Variants in STIM1 observed in about 807,000 individuals in gnomAD.
STIM1 encodes the protein stromal interaction molecule 1.
Under a neutral mutation model 74.7 loss-of-function variants are expected in STIM1, and 25 were observed. That is an observed-to-expected ratio of 0.33 (90% confidence interval 0.24 to 0.47). STIM1 has a LOEUF of 0.47. Ranked by LOEUF, STIM1 falls within the 20% of genes least tolerant of loss-of-function variation. The pLI is 1.00. For missense variants in STIM1, 728 were observed against 920.8 expected (o/e 0.79, Z 2.71); for synonymous variants, 328 against 348.8 (o/e 0.94, Z 0.66).
chr11:3,937,881 G>T (rs2092954222), intron 1 of STIM1, among the ~76,000 whole-genome samples: 1 of 151,766 alleles, frequency 6.6e-6, no homozygotes. Flanking sequence ...GTTGGCTGTT[G>T]GTGTCCCCCC....
chr11:4,020,864 A>G (rs964603391), intron 2 of STIM1, among the ~76,000 whole-genome samples: 1 of 151,896 alleles, frequency 6.6e-6, no homozygotes, highest in Non-Finnish European at 1.5e-5. Flanking sequence ...TCGCTTCCCA[A>G]AGTGCCGTGA....
chr11:3,855,357 CTGAGTAACT>C (rs2090320415), upstream of STIM1: 1 of 152,070 alleles, frequency 6.6e-6, no homozygotes, highest in African/African-American at 2.4e-5. Context: ...CCTGAGTTAC[CTGAGTAACT>C]GCGGGTCAGG....
intron 1 of STIM1, among the ~76,000 whole-genome samples, chr11:3,950,080 C>T (rs2093126423): frequency 1.3e-5 from 2 of 150,718 alleles, no homozygotes; most frequent in African/African-American, 2.4e-5. Context: ...TTTTTCTTTT[C>T]TCAGTTCAGT....
At chr11:3,979,101 A>C (rs1395227614) in intron 2 of STIM1, among the ~76,000 whole-genome samples, 1 of 152,176 alleles carries the variant, frequency 6.6e-6, no homozygotes, top group Non-Finnish European at 1.5e-5. Context: ...ATATAGGGAG[A>C]GAGTAGGAAG....
chr11:4,060,273 G>C (rs765679349), intron 5 of STIM1, among the ~76,000 whole-genome samples: 1 of 152,162 alleles, frequency 6.6e-6, no homozygotes, highest in Non-Finnish European at 1.5e-5. Context: ...AACCAAACAG[G>C]ATCTTAGGGC....
chr11:3,858,972 G>T (rs2090494263), intron 1 of STIM1, among the ~76,000 whole-genome samples: 1 of 152,172 alleles, frequency 6.6e-6, no homozygotes, highest in Non-Finnish European at 1.5e-5. Context: ...CCCTGTTAAA[G>T]GAGTGCTAGG....
At chr11:4,014,499 T>A (rs866087672) in intron 2 of STIM1, among the ~76,000 whole-genome samples, 1 of 152,230 alleles carries the variant, frequency 6.6e-6, no homozygotes, top group Non-Finnish European at 1.5e-5. Flanking sequence ...ATAAGTGTGA[T>A]GTGGTGCTGA....
At chr11:3,877,272 C>T (rs1042324188) in intron 1 of STIM1, among the ~76,000 whole-genome samples, 2 of 151,324 alleles carry the variant, frequency 1.3e-5, no homozygotes, top group African/African-American at 2.4e-5. Flanking sequence ...ATTATTTCCT[C>T]ACAAAAGGAA....
intron 2 of STIM1, among the ~76,000 whole-genome samples, chr11:4,018,255 C>T (rs2093918182): frequency 6.6e-6 from 1 of 151,022 alleles, no homozygotes; most frequent in Admixed American, 6.6e-5. Context: ...CGAGACCATC[C>T]TGGCTAACAA....
intron 1 of STIM1, among the ~76,000 whole-genome samples, chr11:3,930,708 C>T (rs1400174329): frequency 6.6e-6 from 1 of 152,204 alleles, no homozygotes; most frequent in Non-Finnish European, 1.5e-5. Context: ...CTTCCTACTT[C>T]CTATCATACA....
intron 2 of STIM1, among the ~76,000 whole-genome samples, chr11:3,988,580 A>G (rs937718662): frequency 2.0e-5 from 3 of 152,162 alleles, no homozygotes; most frequent in Admixed American, 1.3e-4. Flanking sequence ...TGTCCCACCA[A>G]TTCACAACTG....
intron 2 of STIM1, among the ~76,000 whole-genome samples, chr11:4,005,043 A>C (rs2093763398): frequency 6.6e-6 from 1 of 152,232 alleles, no homozygotes; most frequent in Non-Finnish European, 1.5e-5. Flanking sequence ...ATAGCATCTC[A>C]CACCAGTTAG....
At position 3,870,542 on chromosome 11, in the gene STIM1, A is replaced by G. The variant is rs1430817809; in HGVS notation, c.139+14133A>G. ...GACAGGGTCTCATTCTGTCGCCCACACTGGAGTGCAGTGGCACCATCACAG... is the reference window on the plus strand; with the variant it reads ...GACAGGGTCTCATTCTGTCGCCCACGCTGGAGTGCAGTGGCACCATCACAG... On this transcript the variant is annotated intron_variant, in intron 1 of 12. Transcript: ENST00000526596. Among the ~76,000 whole-genome samples the G allele has an allele frequency of 2.6e-5, 4 of 152,016 alleles. No homozygotes were observed. In the South Asian group the frequency reaches 6.2e-4, roughly 24 times the overall value.
chr11:3,919,333 G>A (rs2092689682), intron 1 of STIM1, among the ~76,000 whole-genome samples: 1 of 152,140 alleles, frequency 6.6e-6, no homozygotes, highest in African/African-American at 2.4e-5. Flanking sequence ...AGCCTCCCGA[G>A]TAGCTGGGAT....
chr11:3,880,323 G>A (rs548263093), intron 1 of STIM1, among the ~76,000 whole-genome samples: 2 of 152,174 alleles, frequency 1.3e-5, no homozygotes, highest in African/African-American at 2.4e-5. Context: ...GTTACTTCTC[G>A]TGTCTTGATT....
chr11:4,053,127 T>C (rs1374464068), intron 3 of STIM1, among the ~76,000 whole-genome samples: 2 of 152,246 alleles, frequency 1.3e-5, no homozygotes, highest in African/African-American at 4.8e-5. Flanking sequence ...TTTTACACTG[T>C]TGGTGGGACT....
intron 2 of STIM1, among the ~76,000 whole-genome samples, chr11:4,004,989 T>C (rs1007005714): frequency 2.6e-5 from 4 of 152,148 alleles, no homozygotes; most frequent in Non-Finnish European, 4.4e-5. Context: ...AAAATGCTCA[T>C]CATCACTGGT....
At chr11:4,078,597 C>T (rs10835597) in intron 7 of STIM1, among the ~76,000 whole-genome samples, 36,306 of 150,032 alleles carry the variant, frequency 0.24, 5,512 homozygotes, top group South Asian at 0.44. Context: ...GATGGAGTCT[C>T]GCTCTTGTCG....
At chr11:4,012,566 A>G (rs1258262339) in intron 2 of STIM1, among the ~76,000 whole-genome samples, 3 of 152,078 alleles carry the variant, frequency 2.0e-5, no homozygotes, top group Non-Finnish European at 4.4e-5. Flanking sequence ...ATTTTTGCAC[A>G]TTGCTTTTAT....
Sources: gnomAD v4.1 joint callset for allele counts (sites outside exome capture counted in the v4.1 genomes callset) on GRCh38, gnomAD v4.1.1 for gene constraint, MANE v1.5 for transcripts, NCBI Gene and HGNC (gene_info 2026-07-23, HGNC 2026-07-21) for gene names.